Variants in KCNMA1 observed in about 807,000 individuals in gnomAD.
The protein encoded by KCNMA1 is Calcium-activated potassium channel subunit alpha-1.
Under a neutral mutation model 140.0 loss-of-function variants are expected in KCNMA1, and 29 were observed. The ratio of observed to expected loss-of-function variants is 0.21; its 90% CI spans 0.15 to 0.28. KCNMA1 has a LOEUF of 0.28. KCNMA1 is among the 10% of genes least tolerant of loss of function. KCNMA1 has a pLI of 1.00. For missense variants in KCNMA1, 880 were observed against 1,602.2 expected, an observed-to-expected ratio of 0.55 and a Z score of 7.70; for synonymous variants, 612 against 611.9, an observed-to-expected ratio of 1.00 and a Z score of 0.00.
intron 1 of KCNMA1, among the ~76,000 whole-genome samples, chr10:77,519,385 C>T (rs2051936318): frequency 6.6e-6 from 1 of 152,218 alleles, no homozygotes; most frequent in East Asian, 1.9e-4. Flanking sequence ...GATTATTTCC[C>T]ACCTCACGCT....
At chr10:77,548,003 A>AT (rs769670021) in intron 1 of KCNMA1, among the ~76,000 whole-genome samples, 1 of 133,348 alleles carries the variant, frequency 7.5e-6, no homozygotes, top group African/African-American at 2.7e-5. Context: ...CCTTTTACAA[A>AT]TTAAAAAAAA....
At chr10:77,367,323 T>C (rs2094427949) in intron 2 of KCNMA1, among the ~76,000 whole-genome samples, 2 of 152,218 alleles carry the variant, frequency 1.3e-5, no homozygotes, top group South Asian at 2.1e-4. Context: ...TTTGAAGTGA[T>C]AAAATATTTG....
intron 2 of KCNMA1, chr10:77,350,719 C>T (rs1345106538): frequency 6.6e-6 from 1 of 152,246 alleles, no homozygotes; most frequent in African/African-American, 2.4e-5. Flanking sequence ...ACAGACCATC[C>T]TCATATGGGG....
chr10:76,938,962 C>T (rs559467752), intron 23 of KCNMA1: 1 of 152,322 alleles, frequency 6.6e-6, no homozygotes, highest in African/African-American at 2.4e-5. Context: ...CACTCTAGGA[C>T]TGCACCATCC....
chr10:77,382,317 T>G (rs941573322), intron 2 of KCNMA1, among the ~76,000 whole-genome samples: 1 of 152,302 alleles, frequency 6.6e-6, no homozygotes, highest in Non-Finnish European at 1.5e-5. Flanking sequence ...TTCTAAGCAC[T>G]TTACATGTAT....
intron 23 of KCNMA1, among the ~76,000 whole-genome samples, chr10:76,928,214 C>T (rs1407388438): frequency 2.0e-5 from 3 of 151,622 alleles, no homozygotes; most frequent in East Asian, 1.9e-4. Flanking sequence ...TGAAATGCTA[C>T]GGGACTTAAA....
At chr10:77,535,045 G>A (rs373539128) in intron 1 of KCNMA1, among the ~76,000 whole-genome samples, 103 of 152,274 alleles carry the variant, frequency 6.8e-4, no homozygotes, top group African/African-American at 2.3e-3. Flanking sequence ...TATAAGGGTC[G>A]TGGAGATTCA....
chr10:77,001,676 AAC>A (rs1370767516), intron 18 of KCNMA1, 96 bp from the exon 19 acceptor site: 1 of 964,452 alleles, frequency 1.0e-6, no homozygotes, highest in African/African-American at 1.6e-5. Flanking sequence ...GAAGGGATTT[AAC>A]ACAGGTCTTA....
At chr10:77,068,173 T>A (rs1439100264) in intron 14 of KCNMA1, among the ~76,000 whole-genome samples, 1 of 152,198 alleles carries the variant, frequency 6.6e-6, no homozygotes, top group Non-Finnish European at 1.5e-5. Flanking sequence ...AGGATAATAA[T>A]AGTGACAAGT....
At chr10:77,613,625 A>T (rs2087949029) in intron 1 of KCNMA1, among the ~76,000 whole-genome samples, 1 of 152,142 alleles carries the variant, frequency 6.6e-6, no homozygotes, top group African/African-American at 2.4e-5. Context: ...CTGTGCTGTT[A>T]TTTCCCCGTG....
intron 2 of KCNMA1, among the ~76,000 whole-genome samples, chr10:77,383,454 A>G (rs1034999201): frequency 9.2e-5 from 14 of 151,728 alleles, no homozygotes; most frequent in Admixed American, 9.2e-4. Flanking sequence ...GATAAAATAT[A>G]CATAAGATAA....
chr10:76,948,874 G>A (rs190831229), intron 22 of KCNMA1: 24 of 528,724 alleles, frequency 4.5e-5, no homozygotes, highest in African/African-American at 3.0e-4. Context: ...GAGTGAGAGT[G>A]TTTAGACGCT....
intron 2 of KCNMA1, among the ~76,000 whole-genome samples, chr10:77,255,896 G>C (rs1444928850): frequency 3.0e-5 from 4 of 131,498 alleles, no homozygotes; most frequent in African/African-American, 9.0e-5. Flanking sequence ...CTGGGCAACA[G>C]AGTGAGACTC....
intron 23 of KCNMA1, among the ~76,000 whole-genome samples, chr10:76,936,381 C>T (rs1014829215): frequency 6.6e-6 from 1 of 152,172 alleles, no homozygotes; most frequent in African/African-American, 2.4e-5. Context: ...AAGTTACTAC[C>T]TAGAGGCTAC....
chr10:77,009,630 C>A (rs527986636), intron 18 of KCNMA1, among the ~76,000 whole-genome samples: 1 of 152,164 alleles, frequency 6.6e-6, no homozygotes, highest in Non-Finnish European at 1.5e-5. Flanking sequence ...AAAACCCACA[C>A]TTCTTACCAC....
rs558099227 is a variant in KCNMA1, at chr10:77,624,393, C to A, written c.378+12872G>T. On this transcript the variant is annotated intron_variant, in intron 1 of 27. Coordinates refer to ENST00000286628, the MANE Select transcript of KCNMA1 (RefSeq NM_001161352.2). ...AGAAGTAATAGTAGAGTCACAAAAA[C>A]CTATTTCTGAGACTTTTTTTTTAAA... 5.9e-5 allele frequency among the ~76,000 whole-genome samples: 9 copies of A among 152,208 alleles called. No homozygotes were observed. In the South Asian group the frequency reaches 1.9e-3, roughly 32 times the overall value.
intron 1 of KCNMA1, among the ~76,000 whole-genome samples, chr10:77,526,479 C>T (rs1555420005): frequency 1.3e-5 from 2 of 152,202 alleles, no homozygotes; most frequent in Non-Finnish European, 2.9e-5. Context: ...CAAATAAATG[C>T]CTGACATCCT....
At chr10:77,203,543 T>C (rs1284308852) in intron 3 of KCNMA1, among the ~76,000 whole-genome samples, 1 of 152,146 alleles carries the variant, frequency 6.6e-6, no homozygotes, top group Admixed American at 6.6e-5. Context: ...TATTTGTTTG[T>C]GTATCTGTCT....
chr10:77,631,383 T>C (rs1156833637), intron 1 of KCNMA1, among the ~76,000 whole-genome samples: 1 of 152,142 alleles, frequency 6.6e-6, no homozygotes. Context: ...CCCAGGGATG[T>C]CTCCAAGGGA....
Sources: allele counts gnomAD v4.1 joint callset (sites outside exome capture counted in the v4.1 genomes callset), GRCh38; gene constraint gnomAD v4.1.1; transcripts MANE v1.5; gene names NCBI Gene and HGNC (gene_info 2026-07-23, HGNC 2026-07-21).